The following KCTD15 variants were observed in gnomAD, a reference collection of about 807,000 sequenced individuals.
KCTD15 encodes BTB/POZ domain-containing protein KCTD15.
A neutral mutation model predicts 27.2 loss-of-function variants in KCTD15; 11 were observed. The observed-to-expected ratio is 0.41, with a 90% CI of 0.25 to 0.67. The LOEUF is 0.67. KCTD15 is among the 30% of genes least tolerant of loss of function. The pLI is 0.35. For synonymous variants in KCTD15, 163 were observed against 176.0 expected, an observed-to-expected ratio of 0.93 and a Z score of 0.58; for missense variants, 350 against 409.3, an observed-to-expected ratio of 0.86 and a Z score of 1.25.
At chr19:33,796,818 G>A (rs1234224736), upstream of KCTD15, 1 of 144,064 alleles carries the variant, frequency 6.9e-6, no homozygotes, top group Non-Finnish European at 1.5e-5. Flanking sequence ...CGGGGGCCGG[G>A]GCGGGAGGGG....
chr19:33,794,219 T>A (rs186644435), upstream of KCTD15, among the ~76,000 whole-genome samples: 1 of 152,338 alleles, frequency 6.6e-6, no homozygotes, highest in Admixed American at 6.5e-5. Flanking sequence ...AAGTGTCATA[T>A]TAAAACCAAT....
At chr19:33,796,548 C>T (rs923216436), upstream of KCTD15, 2 of 150,292 alleles carry the variant, frequency 1.3e-5, no homozygotes, top group African/African-American at 4.9e-5. Flanking sequence ...CGGATCGCTG[C>T]CCTTTACGTC....
upstream of KCTD15, among the ~76,000 whole-genome samples, chr19:33,795,189 G>A (rs1975278293): frequency 6.6e-6 from 1 of 152,246 alleles, no homozygotes; most frequent in South Asian, 2.1e-4. Context: ...CTGCAGGGAT[G>A]TAACTTTAAT....
intron 5 of KCTD15, among the ~76,000 whole-genome samples, chr19:33,807,803 G>T (rs1289026824): frequency 6.6e-6 from 1 of 152,186 alleles, no homozygotes; most frequent in African/African-American, 2.4e-5. Context: ...AGCCGGGCAT[G>T]GTGACAGGTG....
chr19:33,799,208 T>G (rs1031115180), intron 2 of KCTD15, among the ~76,000 whole-genome samples: 3 of 152,186 alleles, frequency 2.0e-5, no homozygotes, highest in African/African-American at 7.2e-5. Flanking sequence ...GTCAGGAAAC[T>G]TGCCCGGGCA....
intron 6 of KCTD15, 62 bp downstream of exon 6, chr19:33,811,614 G>C: frequency 6.4e-7 from 1 of 1,555,982 alleles, no homozygotes. Flanking sequence ...CCCTCCAGGG[G>C]CAGAGTGAGC....
chr19:33,807,518 T>G (rs1175913003), intron 5 of KCTD15, among the ~76,000 whole-genome samples: 3 of 152,144 alleles, frequency 2.0e-5, no homozygotes, highest in Non-Finnish European at 2.9e-5. Context: ...GGTCAGGAGT[T>G]TGAGACCAGC....
intron 1 of KCTD15, among the ~76,000 whole-genome samples, chr19:33,798,096 G>C (rs867570757): frequency 2.6e-5 from 4 of 152,076 alleles, no homozygotes; most frequent in African/African-American, 7.2e-5. Flanking sequence ...GGGAGGGGGG[G>C]GGTGGGGAGG....
upstream of KCTD15, among the ~76,000 whole-genome samples, chr19:33,795,222 T>C (rs1193892739): frequency 1.3e-5 from 2 of 152,258 alleles, no homozygotes; most frequent in Non-Finnish European, 2.9e-5. Context: ...CCCTTTTTCC[T>C]GTAGTTCGAA....
intron 3 of KCTD15, 140 bp downstream of exon 3, chr19:33,800,660 G>T: frequency 1.3e-6 from 1 of 762,018 alleles, no homozygotes; most frequent in Non-Finnish European, 2.1e-6. Flanking sequence ...ATGTATTTTT[G>T]AAACAAAAAT....
At position 33,801,356 on chromosome 19, in the gene KCTD15, C is replaced by G; in HGVS notation, c.242+14C>G. On this transcript the variant is annotated intron_variant, in intron 4 of 6. Transcript: ENST00000683859. Reference sequence around the variant, plus strand: ...CCCTGACTCCAGGTAAGAGTAAGCCCCTTGAAACATCAGGCATGTGTGGGT... The same window carrying G: ...CCCTGACTCCAGGTAAGAGTAAGCCGCTTGAAACATCAGGCATGTGTGGGT... The G allele has an allele frequency of 6.3e-7, 1 of 1,596,094 alleles. No homozygotes were observed. The highest frequency in any genetic ancestry group is 8.5e-7 in the Non-Finnish European group (1 of 1,169,742).
intron 5 of KCTD15, among the ~76,000 whole-genome samples, chr19:33,807,824 C>T (rs1264513451): frequency 6.6e-6 from 1 of 152,024 alleles, no homozygotes; most frequent in Non-Finnish European, 1.5e-5. Flanking sequence ...CCTGTAATAC[C>T]AGCCACTTGG....
intron 6 of KCTD15, chr19:33,811,776 T>C (rs756355662): frequency 2.5e-6 from 4 of 1,602,092 alleles, no homozygotes; most frequent in African/African-American, 2.7e-5. Context: ...TACTTTTTTT[T>C]TTTTTTTCCA....
At chr19:33,802,928 T>C (rs536893720) in intron 4 of KCTD15, among the ~76,000 whole-genome samples, 1 of 152,328 alleles carries the variant, frequency 6.6e-6, no homozygotes, top group Admixed American at 6.5e-5. Context: ...TCTGGGCTCT[T>C]GGCTGCTGCC....
In KCTD15 at chr19:33,801,546, C is replaced by T. The variant is rs1418157940; in HGVS notation, c.242+204C>T. On this transcript the variant is annotated intron_variant, in intron 4 of 6. Coordinates refer to ENST00000683859, the MANE Select transcript of KCTD15 (RefSeq NM_001129994.2). ...GCTGCTATGCACAGAGGCTTGTGAC[C>T]CTGACTTGGCGGCATTGGTAGTGCA... is the stretch of plus-strand genomic sequence containing the variant. 7 of 460,322 alleles carry T rather than the reference C, an allele frequency of 1.5e-5. No individual in the cohort carries two copies. In the South Asian group the frequency reaches 2.4e-4, roughly 16 times the overall value. 28.5% of individuals were successfully genotyped at this position (460,322 alleles called of 1,614,324 possible). A position where few individuals can be genotyped will look rare whatever the true frequency, so the allele number is the denominator to read the frequency against.
In KCTD15 at chr19:33,811,286, C is replaced by A. The variant is rs1353764514; in HGVS notation, c.427C>A (p.Leu143Ile). 1.3e-6 allele frequency: 2 copies of A among 1,542,360 alleles called. No individual in the cohort carries two copies. The highest frequency in any genetic ancestry group is 1.2e-5 in the South Asian group (1 of 83,504). ...LLYEEARYYQ[L>I]QPMVRELERW... ...GTACGAGGAGGCGCGCTACTATCAG[C>A]TCCAGCCCATGGTGCGCGAGCTGGA... The change falls in exon 6 of 7, where the codon CTC (leucine) becomes ATC (isoleucine). Residue 143 changes from leucine to isoleucine, a missense_variant. Transcript: ENST00000683859.
rs770004544 is a variant in KCTD15, at chr19:33,800,478, G to T, written c.24G>T (p.Pro8=). MPHRKER[P]SGSSLHTHGS... Reference sequence around the variant, plus strand: ...AGATGCCTCACCGCAAGGAGCGGCCGAGCGGGTCCTCGCTTCACACACACG... The same window carrying T: ...AGATGCCTCACCGCAAGGAGCGGCCTAGCGGGTCCTCGCTTCACACACACG... The change falls in exon 3 of 7, where the codon CCG becomes CCT. Residue 8 remains proline, a synonymous_variant. Transcript: ENST00000683859. 1.2e-5 allele frequency: 20 copies of T among 1,605,770 alleles called. No homozygotes were observed. In the South Asian group the frequency reaches 2.1e-4, roughly 17 times the overall value.
At chr19:33,797,385 C>T (rs899878162) in intron 1 of KCTD15, 4 of 455,104 alleles carry the variant, frequency 8.8e-6, no homozygotes, top group Middle Eastern at 3.2e-4. Context: ...CAGAAACGGG[C>T]TCACGCAACT....
intron 3 of KCTD15, among the ~76,000 whole-genome samples, 176 bp from the exon 4 acceptor site, chr19:33,800,991 C>T (rs1422426466): frequency 1.3e-5 from 2 of 152,142 alleles, no homozygotes; most frequent in African/African-American, 4.8e-5. Context: ...TGCAAATACA[C>T]TTAATTACAG....
Sources: allele counts gnomAD v4.1 joint callset (sites outside exome capture counted in the v4.1 genomes callset), GRCh38; gene constraint gnomAD v4.1.1; transcripts MANE v1.5; gene names NCBI Gene and HGNC (gene_info 2026-07-23, HGNC 2026-07-21).